The following TRIM77 variants were observed in gnomAD, a reference collection of about 807,000 sequenced individuals.
TRIM77 encodes tripartite motif containing 77.
TRIM77 carries 23 observed loss-of-function variants against 31.8 expected under a neutral mutation model. That is an observed-to-expected ratio of 0.72 (90% CI 0.52 to 1.02). TRIM77 has a LOEUF of 1.02. TRIM77 is among the 50% of genes least tolerant of loss of function. TRIM77 has a pLI of 0.00. For missense variants in TRIM77, 446 were observed against 539.2 expected (o/e 0.83, Z 1.71); for synonymous variants, 159 against 183.1 (o/e 0.87, Z 1.06).
At chr11:89,716,249 A>C (rs1246897078) in intron 5 of TRIM77, among the ~76,000 whole-genome samples, 4 of 152,178 alleles carry the variant, frequency 2.6e-5, no homozygotes, top group Non-Finnish European at 5.9e-5. Context: ...CTCAAAAAAG[A>C]CCTGGAGGAA....
intron 1 of TRIM77, 62 bp from the exon 2 acceptor site, chr11:89,711,348 T>C (rs1949120766): frequency 6.2e-6 from 5 of 811,680 alleles, no homozygotes; most frequent in South Asian, 3.9e-5. Flanking sequence ...CCTCTTTTGG[T>C]AGTATCTGAA....
At chr11:89,716,271 A>C (rs1249385401) in intron 5 of TRIM77, among the ~76,000 whole-genome samples, 2 of 152,178 alleles carry the variant, frequency 1.3e-5, no homozygotes, top group Non-Finnish European at 2.9e-5. Context: ...GCTATAAATA[A>C]AGCATTCATT....
chr11:89,717,484 C>T lies in TRIM77; in HGVS notation c.965C>T (p.Pro322Leu), dbSNP rs1591486193. 6.4e-7 allele frequency: 1 copy of T among 1,551,516 alleles called. No homozygotes were observed. Among genetic ancestry groups the T allele is most frequent in the Middle Eastern group, 1.7e-4 (1 of 5,990 alleles). ...SLDDTDMSCN[P>L]TSTQYTSSWG... ...GATGATACAGACATGTCCTGTAATC[C>T]AACAAGTACACAGTATACTTCTTCA... is the stretch of plus-strand genomic sequence containing the variant. The change falls in exon 6 of 6, where the codon CCA becomes CTA. Residue 322 changes from proline to leucine, a missense_variant. Pro to Leu is a moderately conservative substitution (Grantham distance 98). Transcript: ENST00000398290.
At position 89,710,351 on chromosome 11, in the gene TRIM77, G is replaced by T. The variant is rs1162508066; in HGVS notation, c.53G>T (p.Cys18Phe). ...CSTSELTCSICTDYLTDPVTI... is the reference protein window; with the variant it reads ...CSTSELTCSIFTDYLTDPVTI... ...ACCAGTGAGCTCACCTGCTCGATCTGCACAGACTATTTGACAGACCCTGTC... is the reference window on the plus strand; with the variant it reads ...ACCAGTGAGCTCACCTGCTCGATCTTCACAGACTATTTGACAGACCCTGTC... The change falls in exon 1 of 6, where the codon TGC becomes TTC. Residue 18 changes from cysteine to phenylalanine, a missense_variant. Cys to Phe is a radical substitution (Grantham distance 205). This residue lies in a region of TRIM77 where 72 missense variants were observed against 64.7 expected (regional missense o/e 1.11). Coordinates refer to ENST00000398290, the MANE Select transcript of TRIM77 (RefSeq NM_001146162.1). The T allele has an allele frequency of 1.8e-5, 28 of 1,550,972 alleles. No individual in the cohort carries two copies. The highest frequency in any genetic ancestry group is 2.4e-5 in the Non-Finnish European group (28 of 1,146,436).
At chr11:89,716,051 A>G in intron 5 of TRIM77, 64 bp downstream of exon 5, 1 of 988,790 alleles carries the variant, frequency 1.0e-6, no homozygotes, top group Non-Finnish European at 1.5e-6. Context: ...ACCTATATTC[A>G]GTTTAGTCTA....
At chr11:89,715,395 G>A (rs564262704) in intron 4 of TRIM77, among the ~76,000 whole-genome samples, 1 of 152,166 alleles carries the variant, frequency 6.6e-6, no homozygotes, top group African/African-American at 2.4e-5. Flanking sequence ...TTTCAATAAG[G>A]CAACTATTTT....
chr11:89,717,777 T>C lies in TRIM77; in HGVS notation c.1258T>C (p.Phe420Leu). The change falls in exon 6 of 6, where the codon TTT (phenylalanine) becomes CTT (leucine). Residue 420 changes from phenylalanine (F) to leucine (L), a missense_variant. By Grantham distance (22) the Phe-to-Leu change is conservative. Coordinates refer to ENST00000398290, the MANE Select transcript of TRIM77 (RefSeq NM_001146162.1). ...GGATTATGAATGTGGGATAGTGAGC[T>C]TTGTTAATGTTGCCCAAAGTTCCCT... ...FLDYECGIVS[F>L]VNVAQSSLIC... 3.2e-6 allele frequency: 5 copies of C among 1,551,252 alleles called. No homozygotes were observed. The South Asian group carries it at 4.8e-5, about 15-fold the overall frequency.
intron 5 of TRIM77, among the ~76,000 whole-genome samples, 179 bp downstream of exon 5, chr11:89,716,166 A>G (rs1221688677): frequency 6.6e-6 from 1 of 152,184 alleles, no homozygotes; most frequent in East Asian, 1.9e-4. Context: ...AGGAAAAGCT[A>G]ACTGAAGTCT....
chr11:89,710,523 T>C lies in TRIM77; in HGVS notation c.225T>C (p.Ile75=). Residue 75 remains isoleucine (I), a synonymous_variant, in exon 1 of 6, where the codon ATT becomes ATC. Transcript: ENST00000398290. ...TTATTTTTGCTGAGAAACAAGTTATTCCTACAAGAGAATCAGTCCCCTGCC... is the reference window on the plus strand; with the variant it reads ...TTATTTTTGCTGAGAAACAAGTTATCCCTACAAGAGAATCAGTCCCCTGCC... ...KRIIFAEKQV[I]PTRESVPCQL... 2 of 1,551,610 alleles carry C rather than the reference T, an allele frequency of 1.3e-6. No homozygotes were observed. Among genetic ancestry groups the C allele is most frequent in the Non-Finnish European group, 1.7e-6 (2 of 1,146,928 alleles).
chr11:89,715,545 A>G (rs947024664), intron 4 of TRIM77, among the ~76,000 whole-genome samples: 1 of 152,218 alleles, frequency 6.6e-6, no homozygotes, highest in Non-Finnish European at 1.5e-5. Flanking sequence ...GAAGGAATGT[A>G]GTATAGAGCT....
intron 2 of TRIM77, among the ~76,000 whole-genome samples, chr11:89,713,813 G>A (rs1320948658): frequency 1.3e-5 from 2 of 152,126 alleles, no homozygotes; most frequent in Non-Finnish European, 2.9e-5. Context: ...ATGCAGCAAT[G>A]TCTTATGTTC....
rs1394687982 is a variant in TRIM77, at chr11:89,714,222, A to G, written c.538A>G (p.Ser180Gly). 6.4e-7 allele frequency: 1 copy of G among 1,550,906 alleles called. No homozygotes were observed. Among genetic ancestry groups the G allele is most frequent in the Non-Finnish European group, 8.7e-7 (1 of 1,146,724 alleles). ...VFINLRSMMI[S>G]AEYPKVCQYL... ...TATAAATTTGCGGAGCATGATGATC[A>G]GTGCTGAATATCCTAAGGTGTGTCA... The change falls in exon 3 of 6, where the codon AGT (serine) becomes GGT (glycine). Residue 180 changes from serine to glycine, a missense_variant. Physicochemically the swap from Ser to Gly is moderately conservative, Grantham distance 56. Around this residue, in one of 3 missense-constraint regions of TRIM77, gnomAD observed 366 missense variants for 447.9 expected, o/e 0.82. Transcript: ENST00000398290.
chr11:89,713,404 C>A (rs1949137334), intron 2 of TRIM77, among the ~76,000 whole-genome samples: 1 of 148,154 alleles, frequency 6.7e-6, no homozygotes, highest in East Asian at 2.0e-4. Flanking sequence ...TGCAGTGAGC[C>A]ATGATTGCAC....
intron 1 of TRIM77, among the ~76,000 whole-genome samples, chr11:89,711,171 A>G (rs1368572165): frequency 6.6e-6 from 1 of 152,190 alleles, no homozygotes; most frequent in Non-Finnish European, 1.5e-5. Flanking sequence ...AAAATTGACA[A>G]GGTTGTATCA....
chr11:89,712,950 G>T (rs1279500593), intron 2 of TRIM77, among the ~76,000 whole-genome samples: 2 of 152,064 alleles, frequency 1.3e-5, no homozygotes, highest in Admixed American at 1.3e-4. Flanking sequence ...CGTATTTAAA[G>T]GTGGTATGGA....
chr11:89,716,989 T>C (rs900475022), intron 5 of TRIM77, among the ~76,000 whole-genome samples: 4 of 75,288 alleles, frequency 5.3e-5, no homozygotes, highest in African/African-American at 1.4e-4. Flanking sequence ...CCTACATCTC[T>C]GTTTTCTCTA....
chr11:89,712,997 G>A (rs575370936), intron 2 of TRIM77, among the ~76,000 whole-genome samples: 2 of 152,088 alleles, frequency 1.3e-5, no homozygotes, highest in Admixed American at 6.5e-5. Flanking sequence ...ATTGAGGTCC[G>A]GCGCGATGGC....
chr11:89,714,295 A>G lies in TRIM77; in HGVS notation c.611A>G (p.Glu204Gly). 1 of 1,551,686 alleles carries G rather than the reference A, an allele frequency of 6.4e-7. No individual in the cohort carries two copies. The highest frequency in any genetic ancestry group is 8.7e-7 in the Non-Finnish European group (1 of 1,146,982). Residue 204 changes from glutamate (E) to glycine (G), a missense_variant, in exon 3 of 6, where the codon GAA becomes GGA. By Grantham distance (98) the Glu-to-Gly change is moderately conservative (BLOSUM62 -2). This residue lies in a region of TRIM77 where 366 missense variants were observed against 447.9 expected (regional missense o/e 0.82). Coordinates refer to ENST00000398290, the MANE Select transcript of TRIM77 (RefSeq NM_001146162.1). ...AAGCACGTAGAGAGCCTGGCAAGAGAAGGCAGGATAATTTTTCAGCAACTC... is the reference window on the plus strand; with the variant it reads ...AAGCACGTAGAGAGCCTGGCAAGAGGAGGCAGGATAATTTTTCAGCAACTC... ...EQKHVESLAR[E>G]GRIIFQQLKR...
In TRIM77 at chr11:89,714,256, G is replaced by T. The variant is rs1181369147; in HGVS notation, c.572G>T (p.Arg191Leu). The change falls in exon 3 of 6, where the codon CGT (arginine) becomes CTT (leucine). Residue 191 changes from arginine to leucine, a missense_variant. Coordinates refer to ENST00000398290, the MANE Select transcript of TRIM77 (RefSeq NM_001146162.1). ...TATCCTAAGGTGTGTCAATACCTCC[G>T]TGAAGAAGAGCAAAAGCACGTAGAG... ...AEYPKVCQYLREEEQKHVESL... is the reference protein window; with the variant it reads ...AEYPKVCQYLLEEEQKHVESL... The T allele has an allele frequency of 6.4e-7, 1 of 1,551,616 alleles. No individual in the cohort carries two copies. Among genetic ancestry groups the T allele is most frequent in the Non-Finnish European group, 8.7e-7 (1 of 1,146,986 alleles).
Sources: allele counts gnomAD v4.1 joint callset (sites outside exome capture counted in the v4.1 genomes callset), GRCh38; gene constraint gnomAD v4.1.1; regional missense constraint gnomAD v4.1.1; transcripts MANE v1.5; gene names NCBI Gene and HGNC (gene_info 2026-07-23, HGNC 2026-07-21).